Variants in ODAD4 observed in about 807,000 individuals in gnomAD.
ODAD4 encodes outer dynein arm-docking complex subunit 4.
ODAD4 carries 49 observed loss-of-function variants against 51.8 expected under a neutral mutation model. The ratio of observed to expected loss-of-function variants is 0.95; its 90% CI spans 0.75 to 1.20. ODAD4 has a LOEUF of 1.20. ODAD4 is among the 50% of genes most tolerant of loss of function. The probability of loss-of-function intolerance (pLI) is 0.00; values close to 1 mark genes in which losing one functional copy is unlikely to be tolerated. For missense variants in ODAD4, 590 were observed against 586.5 expected (o/e 1.01, Z -0.06); for synonymous variants, 235 against 221.3 (o/e 1.06, Z -0.55).
intron 7 of ODAD4, among the ~76,000 whole-genome samples, chr17:41,940,426 G>A (rs1002149034): frequency 6.6e-6 from 1 of 152,140 alleles, no homozygotes; most frequent in African/African-American, 2.4e-5. Flanking sequence ...GGGGTCAAAC[G>A]TTCCTGAACA....
Position 41,932,893 on chromosome 17 carries a change from T to C in ODAD4, c.114+2056T>C, listed in dbSNP as rs529804230. Among the ~76,000 whole-genome samples, 8 of 152,188 alleles carry C rather than the reference T, an allele frequency of 5.3e-5. No homozygotes were observed. The South Asian group carries it at 1.0e-3, about 20-fold the overall frequency. ...ATGTTTTTATGACCATTTCTTTTGC[T>C]CCAAATTGCCCACTTCTTCTGCTCC... On this transcript the variant is annotated intron_variant, in intron 1 of 11. Transcript: ENST00000377540.
At chr17:41,952,742 C>CT (rs1320691726) in intron 9 of ODAD4, 1 of 487,128 alleles carries the variant, frequency 2.1e-6, no homozygotes, top group Non-Finnish European at 4.1e-6. Context: ...TTTTTTTCTT[C>CT]TTTTTTGAGA....
intron 7 of ODAD4, among the ~76,000 whole-genome samples, chr17:41,941,298 CTTCTCCTGGCCTGTCTTGACCTGGCT>C (rs1555638650): frequency 1.3e-5 from 2 of 152,218 alleles, no homozygotes; most frequent in African/African-American, 2.4e-5. Flanking sequence ...CTTCACTTGA[CTTCTCCTGGCCTGTCTTGACCTGGCT>C]TTCTCCAGGC....
chr17:41,944,499 A>C (rs560533829), intron 7 of ODAD4, among the ~76,000 whole-genome samples: 2 of 149,256 alleles, frequency 1.3e-5, no homozygotes, highest in South Asian at 4.2e-4. Flanking sequence ...CATTTAGATT[A>C]TTTTTTTTGG....
At chr17:41,961,685 C>A (rs545785407) in intron 11 of ODAD4, among the ~76,000 whole-genome samples, 1 of 152,204 alleles carries the variant, frequency 6.6e-6, no homozygotes, top group Non-Finnish European at 1.5e-5. Flanking sequence ...GGCCCCAGAG[C>A]GCACTCATTT....
intron 10 of ODAD4, among the ~76,000 whole-genome samples, chr17:41,960,516 G>A (rs906397437): frequency 2.6e-5 from 4 of 152,178 alleles, no homozygotes. Flanking sequence ...TGCCATAGGG[G>A]ACTAGGGGAA....
At position 41,936,836 on chromosome 17, in the gene ODAD4, G is replaced by A. The variant is rs782726572; in HGVS notation, c.534G>A (p.Lys178=). 6.2e-7 allele frequency: 1 copy of A among 1,613,852 alleles called. No individual in the cohort carries two copies. The highest frequency in any genetic ancestry group is 1.3e-5 in the African/African-American group (1 of 74,924). Residue 178 remains lysine (K), a synonymous_variant, in exon 5 of 12, where the codon AAG becomes AAA. Transcript: ENST00000377540. ...LHPTKGEPKW[K]ASLKSEKTVR... The stretch of plus-strand genomic sequence containing the variant: ...CCACCAAGGGAGAGCCCAAGTGGAA[G>A]GCCTCGCTCAAGAGTGAGAAGACTG...
intron 8 of ODAD4, among the ~76,000 whole-genome samples, chr17:41,948,052 A>G (rs2050610507): frequency 6.6e-6 from 1 of 152,064 alleles, no homozygotes; most frequent in African/African-American, 2.4e-5. Flanking sequence ...CGGGAGGTGG[A>G]GGTTGCAGTG....
chr17:41,964,230 T>C (rs1161326688), intron 11 of ODAD4, among the ~76,000 whole-genome samples: 6 of 151,960 alleles, frequency 3.9e-5, no homozygotes, highest in African/African-American at 1.5e-4. Context: ...CCAGCTTATT[T>C]TTGTATTTTT....
intron 9 of ODAD4, among the ~76,000 whole-genome samples, chr17:41,953,668 T>G (rs9906334): frequency 0.46 from 66,976 of 144,664 alleles, 15,726 homozygotes; most frequent in East Asian, 0.73. Context: ...TATATATATA[T>G]AGAGAGAGAG....
At position 41,944,421 on chromosome 17, in the gene ODAD4, CA is replaced by C. The variant is rs1567932919; in HGVS notation, c.1059-714del. On this transcript the variant is annotated intron_variant, in intron 7 of 11. Transcript: ENST00000377540. ...ACACACACACACACACACACACACA[CA>C]CACACACACACACACACACACACCC... Among the ~76,000 whole-genome samples the C allele has an allele frequency of 1.6e-3, 23 of 14,296 alleles. 1 individual carries two copies. In the East Asian group the frequency reaches 0.083, roughly 52 times the overall value. 9.4% of individuals were successfully genotyped at this position (14,296 alleles called of 152,430 possible). A position where few individuals can be genotyped will look rare whatever the true frequency, so the allele number is the denominator to read the frequency against.
At chr17:41,940,267 C>G (rs1256729399) in intron 7 of ODAD4, among the ~76,000 whole-genome samples, 1 of 152,212 alleles carries the variant, frequency 6.6e-6, no homozygotes, top group Non-Finnish European at 1.5e-5. Flanking sequence ...TCCCACAAAT[C>G]TCCAGAGACA....
chr17:41,964,833 G>A (rs2050854067), intron 11 of ODAD4, among the ~76,000 whole-genome samples, 160 bp from the exon 12 acceptor site: 1 of 152,024 alleles, frequency 6.6e-6, no homozygotes, highest in Admixed American at 6.6e-5. Context: ...AGTACAGACA[G>A]GGTCTCACTG....
At chr17:41,942,974 T>C (rs1486224721) in intron 7 of ODAD4, among the ~76,000 whole-genome samples, 1 of 152,166 alleles carries the variant, frequency 6.6e-6, no homozygotes, top group African/African-American at 2.4e-5. Flanking sequence ...GCAATCTTCC[T>C]ACCTCACCCT....
rs2050435991 is a variant in ODAD4 at position 41,936,847 on chromosome 17, A to G, written c.545A>G (p.Lys182Arg). The stretch of plus-strand genomic sequence containing the variant: ...GAGCCCAAGTGGAAGGCCTCGCTCA[A>G]GAGTGAGAAGACTGTCCGCCAGCTT... The part of the protein sequence containing the change: ...KGEPKWKASL[K>R]SEKTVRQLLG... The change falls in exon 5 of 12, where the codon AAG (lysine) becomes AGG (arginine). Residue 182 changes from lysine (K) to arginine (R), a missense_variant. This residue lies in a region of ODAD4 where 360 missense variants were observed against 407.5 expected (regional missense o/e 0.88). Transcript: ENST00000377540. 6.2e-7 allele frequency: 1 copy of G among 1,614,000 alleles called. No homozygotes were observed. Among genetic ancestry groups the G allele is most frequent in the Non-Finnish European group, 8.5e-7 (1 of 1,179,896 alleles).
chr17:41,940,072 G>A (rs182150463), intron 7 of ODAD4, among the ~76,000 whole-genome samples: 14 of 152,258 alleles, frequency 9.2e-5, no homozygotes, highest in Admixed American at 2.0e-4. Flanking sequence ...AGGTTCCATC[G>A]CTTTCTCAGC....
chr17:41,956,485 C>CT (rs33985289), intron 10 of ODAD4, among the ~76,000 whole-genome samples: 10,572 of 110,916 alleles, frequency 0.095, 765 homozygotes, highest in Non-Finnish European at 0.13. Flanking sequence ...CATGCCCGGC[C>CT]TTTTTTTTTT....
chr17:41,955,166 C>A, intron 9 of ODAD4, 51 bp from the exon 10 acceptor site: 1 of 745,534 alleles, frequency 1.3e-6, no homozygotes, highest in East Asian at 2.5e-5. Flanking sequence ...CATCATGCAC[C>A]ACACGTTGTC....
At chr17:41,933,750 A>T (rs35455419) in intron 1 of ODAD4, among the ~76,000 whole-genome samples, 3 of 151,676 alleles carry the variant, frequency 2.0e-5, no homozygotes, top group African/African-American at 7.3e-5. Context: ...GGACTCGGAG[A>T]TTGCAGTGAG....
Sources: gnomAD v4.1 joint callset for allele counts (sites outside exome capture counted in the v4.1 genomes callset) on GRCh38, gnomAD v4.1.1 for gene constraint, gnomAD v4.1.1 regional missense constraint, MANE v1.5 for transcripts, NCBI Gene and HGNC (gene_info 2026-07-23, HGNC 2026-07-21) for gene names.